Variants in CHRNA7 observed in about 807,000 individuals in gnomAD.
CHRNA7 encodes cholinergic receptor nicotinic alpha 7 subunit.
A neutral mutation model predicts 48.0 loss-of-function variants in CHRNA7; 17 were observed. The observed-to-expected ratio is 0.35, with a 90% confidence interval of 0.24 to 0.53. The LOEUF (loss-of-function observed/expected upper bound fraction) is 0.53. Among genes scored for constraint, CHRNA7 ranks in the 20% least tolerant of loss-of-function variants. The pLI is 0.92. For synonymous variants in CHRNA7, 75 were observed against 242.3 expected (o/e 0.31, Z 6.41); for missense variants, 155 against 577.7 (o/e 0.27, Z 7.50).
At chr15:32,037,722 T>C (rs983174314) in intron 2 of CHRNA7, among the ~76,000 whole-genome samples, 2 of 152,140 alleles carry the variant, frequency 1.3e-5, no homozygotes, top group African/African-American at 2.4e-5. Flanking sequence ...TGCCGAAATA[T>C]AGGAAAGCGA....
chr15:32,034,230 C>A (rs114302757), intron 2 of CHRNA7, among the ~76,000 whole-genome samples: 343 of 152,286 alleles, frequency 2.3e-3, no homozygotes, highest in African/African-American at 8.0e-3. Context: ...AGTAGGAAAT[C>A]TTTTCCAGGT....
chr15:32,063,954 G>T (rs1476863286), intron 2 of CHRNA7, among the ~76,000 whole-genome samples: 1 of 152,182 alleles, frequency 6.6e-6, no homozygotes, highest in Admixed American at 6.5e-5. Context: ...GATGGATGGT[G>T]TCCTTTATTA....
At chr15:32,049,378 T>A (rs56376304) in intron 2 of CHRNA7, among the ~76,000 whole-genome samples, 6,894 of 152,258 alleles carry the variant, frequency 0.045, 220 homozygotes, top group East Asian at 0.13. Context: ...TCTTGTTGAA[T>A]TGATCCCTTT....
chr15:32,114,419 G>C (rs2050832752), intron 4 of CHRNA7, among the ~76,000 whole-genome samples: 1 of 152,106 alleles, frequency 6.6e-6, no homozygotes. Context: ...GCCTGACCCA[G>C]CTGCCGGTGC....
chr15:32,085,571 A>G (rs2050282661), intron 2 of CHRNA7, among the ~76,000 whole-genome samples: 1 of 152,240 alleles, frequency 6.6e-6, no homozygotes, highest in African/African-American at 2.4e-5. Context: ...AATTGGAATT[A>G]TCCCTTGAGT....
chr15:32,070,607 CA>C (rs2050038892), intron 2 of CHRNA7, among the ~76,000 whole-genome samples: 1 of 142,070 alleles, frequency 7.0e-6, no homozygotes, highest in African/African-American at 2.6e-5. Flanking sequence ...TTAACATTCA[CA>C]TTTAAGTCTG....
intron 2 of CHRNA7, among the ~76,000 whole-genome samples, chr15:32,094,429 C>T (rs1236675586): frequency 2.0e-5 from 3 of 152,098 alleles, no homozygotes; most frequent in African/African-American, 7.2e-5. Context: ...CATTGCAGAG[C>T]TAAATGAATA....
intron 2 of CHRNA7, among the ~76,000 whole-genome samples, chr15:32,048,854 A>C (rs1443884023): frequency 1.3e-5 from 2 of 151,494 alleles, no homozygotes; most frequent in Admixed American, 6.6e-5. Flanking sequence ...CATCCCAGAG[A>C]TTCTGGTATG....
intron 2 of CHRNA7, among the ~76,000 whole-genome samples, chr15:32,080,532 T>C (rs1054605846): frequency 1.3e-5 from 2 of 151,678 alleles, no homozygotes; most frequent in Admixed American, 1.3e-4. Flanking sequence ...GCAACAAACA[T>C]ATGAAAAAAA....
At chr15:32,091,248 C>G (rs1179655661) in intron 2 of CHRNA7, among the ~76,000 whole-genome samples, 1 of 152,114 alleles carries the variant, frequency 6.6e-6, no homozygotes, top group East Asian at 1.9e-4. Flanking sequence ...TTGGTTTTCT[C>G]TCTTTCACTC....
At chr15:32,146,678 C>A (rs936407632) in intron 4 of CHRNA7, among the ~76,000 whole-genome samples, 10 of 152,218 alleles carry the variant, frequency 6.6e-5, no homozygotes, top group African/African-American at 2.4e-4. Context: ...TAAGAAAGAA[C>A]AACATAAATG....
intron 4 of CHRNA7, among the ~76,000 whole-genome samples, chr15:32,153,020 T>C (rs2051663988): frequency 6.6e-6 from 1 of 151,254 alleles, no homozygotes; most frequent in South Asian, 2.1e-4. Context: ...CACTTACTTC[T>C]GTTGTCTTCC....
At position 32,149,763 on chromosome 15, in the gene CHRNA7, GTTGCT is replaced by G. The variant is rs2051582280; in HGVS notation, c.351-4143_351-4139del. 2.0e-5 allele frequency among the ~76,000 whole-genome samples: 3 copies of G among 151,998 alleles called. No individual in the cohort carries two copies. The highest frequency in any genetic ancestry group is 2.9e-5 in the Non-Finnish European group (2 of 68,002). The stretch of plus-strand genomic sequence containing the variant: ...CAAATCACTGAGTCACAGGTAAGCT[GTTGCT>G]AATAGCAACAGTTTTTTTATCTTGT... On this transcript the variant is annotated intron_variant, in intron 4 of 9. Coordinates refer to ENST00000306901, the MANE Select transcript of CHRNA7 (RefSeq NM_000746.6). This position sits in a 1 kb window ranked among gnomAD's most constrained non-coding sequence, Gnocchi z 4.6.
At chr15:32,138,950 C>T (rs1354781002) in intron 4 of CHRNA7, among the ~76,000 whole-genome samples, 1 of 152,064 alleles carries the variant, frequency 6.6e-6, no homozygotes, top group Non-Finnish European at 1.5e-5. Flanking sequence ...GACAGGGTTT[C>T]GTCATGTTGG....
At chr15:32,116,531 G>GTTTAAAA (rs1306247290) in intron 4 of CHRNA7, among the ~76,000 whole-genome samples, 11 of 152,240 alleles carry the variant, frequency 7.2e-5, no homozygotes, top group Non-Finnish European at 1.2e-4. Flanking sequence ...TAAGCCTGCG[G>GTTTAAAA]CTCAAGGAGT....
chr15:32,071,047 C>T (rs961982636), intron 2 of CHRNA7, among the ~76,000 whole-genome samples: 1 of 152,018 alleles, frequency 6.6e-6, no homozygotes, highest in African/African-American at 2.4e-5. Flanking sequence ...AAAGATTGCC[C>T]TTTATTATCC....
chr15:32,069,775 G>A (rs997078669), intron 2 of CHRNA7, among the ~76,000 whole-genome samples: 1 of 151,876 alleles, frequency 6.6e-6, no homozygotes, highest in African/African-American at 2.4e-5. Flanking sequence ...CTTATATCTT[G>A]AATTGTTCAG....
intron 2 of CHRNA7, among the ~76,000 whole-genome samples, chr15:32,063,398 G>T (rs1225355142): frequency 6.6e-6 from 1 of 152,116 alleles, no homozygotes; most frequent in Non-Finnish European, 1.5e-5. Flanking sequence ...TGTGATTATT[G>T]TTTTATTATA....
intron 2 of CHRNA7, among the ~76,000 whole-genome samples, chr15:32,065,800 G>A (rs1216147798): frequency 6.6e-6 from 1 of 152,046 alleles, no homozygotes; most frequent in African/African-American, 2.4e-5. Flanking sequence ...GCCTGGCTGT[G>A]TGTGGAAGGT....
Sources: gnomAD v4.1 joint callset for allele counts (sites outside exome capture counted in the v4.1 genomes callset) on GRCh38, gnomAD v4.1.1 for gene constraint, Gnocchi (gnomAD v3.1) non-coding constraint, MANE v1.5 for transcripts, NCBI Gene and HGNC (gene_info 2026-07-23, HGNC 2026-07-21) for gene names.